HLCS: variants seen among roughly 807,000 people sequenced by gnomAD.
HLCS encodes biotin--protein ligase.
A neutral mutation model predicts 75.0 loss-of-function variants in HLCS; 53 were observed. That is an observed-to-expected ratio of 0.71 (90% CI 0.57 to 0.89). The LOEUF (loss-of-function observed/expected upper bound fraction) is 0.89. HLCS is among the 40% of genes least tolerant of loss of function. The pLI, the probability that HLCS is intolerant of heterozygous loss-of-function variation, is 0.00. For missense variants in HLCS, 966 were observed against 1,074.0 expected (o/e 0.90, Z 1.41); for synonymous variants, 431 against 428.6 (o/e 1.01, Z -0.07).
At chr21:36,931,888 T>C (rs186313432) in intron 4 of HLCS, among the ~76,000 whole-genome samples, 1 of 152,234 alleles carries the variant, frequency 6.6e-6, no homozygotes, top group African/African-American at 2.4e-5. Flanking sequence ...CCACTGTCTG[T>C]GGGTCCGTAC....
intron 6 of HLCS, among the ~76,000 whole-genome samples, chr21:36,831,098 G>T (rs1040438924): frequency 3.3e-5 from 5 of 152,052 alleles, no homozygotes; most frequent in Non-Finnish European, 5.9e-5. Context: ...TTTTCGGAGG[G>T]TTTTAAGAAG....
At chr21:36,945,183 T>C (rs1391276625) in intron 2 of HLCS, among the ~76,000 whole-genome samples, 1 of 151,918 alleles carries the variant, frequency 6.6e-6, no homozygotes, top group Non-Finnish European at 1.5e-5. Flanking sequence ...GTTCTGAAGA[T>C]CTACTGTACG....
At position 36,955,785 on chromosome 21, in the gene HLCS, G is replaced by A. The variant is rs117369725; in HGVS notation, c.330+6251C>T. Among the ~76,000 whole-genome samples, 16 of 152,320 alleles carry A rather than the reference G, an allele frequency of 1.1e-4. No homozygotes were observed. In the East Asian group the frequency reaches 2.9e-3, roughly 28 times the overall value. ...CCACTCACTCACTGACTCGCCCTGA[G>A]CCACTTTCAGTCCTGTAAGCTCCAT... On this transcript the variant is annotated intron_variant, in intron 2 of 10. Coordinates refer to ENST00000674895, the MANE Select transcript of HLCS (RefSeq NM_001352514.2).
intron 6 of HLCS, among the ~76,000 whole-genome samples, chr21:36,771,698 G>C (rs187211021): frequency 1.3e-5 from 2 of 152,038 alleles, no homozygotes; most frequent in African/African-American, 4.8e-5. Context: ...ATGTTTTGAA[G>C]TATGCTTTTA....
intron 2 of HLCS, among the ~76,000 whole-genome samples, chr21:36,946,572 T>C (rs991048544): frequency 9.2e-5 from 14 of 151,914 alleles, no homozygotes; most frequent in African/African-American, 3.4e-4. Flanking sequence ...CCTTAGTAGC[T>C]CATTTCTCTT....
intron 6 of HLCS, among the ~76,000 whole-genome samples, chr21:36,869,830 C>A (rs2063709879): frequency 6.6e-6 from 1 of 152,132 alleles, no homozygotes; most frequent in Non-Finnish European, 1.5e-5. Context: ...AATCCAACCC[C>A]CCTACTTAAA....
rs1569149980 is a variant in HLCS, at chr21:36,888,481, TATATATATA to T, written c.1892+8370_1892+8378del. 6.1e-3 allele frequency among the ~76,000 whole-genome samples: 779 copies of T among 127,332 alleles called. 28 individuals carry two copies. Among genetic ancestry groups the T allele is most frequent in the Non-Finnish European group, 0.01 (634 of 61,444 alleles). 83.5% of individuals were successfully genotyped at this position (127,332 alleles called of 152,430 possible). A position where few individuals can be genotyped will look rare whatever the true frequency, so the allele number is the denominator to read the frequency against. ...ATATATATATATATATATATATATA[TATATATATA>T]TATATATTTATTTATTTATTTTATG... On this transcript the variant is annotated intron_variant, in intron 6 of 10. Transcript: ENST00000674895.
intron 6 of HLCS, among the ~76,000 whole-genome samples, chr21:36,831,010 G>A (rs1024715233): frequency 6.6e-5 from 10 of 151,882 alleles, no homozygotes; most frequent in African/African-American, 1.9e-4. Context: ...CCCCAAATTC[G>A]GTTTAAATCT....
rs751885379 is a variant in HLCS at position 36,752,040 on chromosome 21, C to T, written c.*2206G>A. On this transcript the variant is annotated 3_prime_UTR_variant, in exon 11 of 11. Transcript: ENST00000674895. The stretch of plus-strand genomic sequence containing the variant: ...ATAGCAGGTAGACAGGTTTCGCTAA[C>T]ACGAACAGCTATCAGTAAAATGCCT... 1.3e-5 allele frequency: 2 copies of T among 152,636 alleles called. No individual in the cohort carries two copies. The highest frequency in any genetic ancestry group is 2.9e-5 in the Non-Finnish European group (2 of 68,058). 9.5% of individuals were successfully genotyped at this position (152,636 alleles called of 1,614,324 possible). A position where few individuals can be genotyped will look rare whatever the true frequency, so the allele number is the denominator to read the frequency against.
intron 6 of HLCS, among the ~76,000 whole-genome samples, chr21:36,832,604 A>G (rs893116653): frequency 1.3e-5 from 2 of 152,244 alleles, no homozygotes; most frequent in Non-Finnish European, 2.9e-5. Context: ...CTTTACAGAT[A>G]GGGAAAATAA....
At chr21:36,864,969 T>G (rs965035319) in intron 6 of HLCS, among the ~76,000 whole-genome samples, 2 of 152,068 alleles carry the variant, frequency 1.3e-5, no homozygotes, top group Non-Finnish European at 2.9e-5. Context: ...TTAAAAAGTG[T>G]TTTTTAAAAT....
chr21:36,864,931 T>G (rs1482090666), intron 6 of HLCS, among the ~76,000 whole-genome samples: 1 of 152,194 alleles, frequency 6.6e-6, no homozygotes, highest in East Asian at 1.9e-4. Flanking sequence ...TTCCAACATA[T>G]TTGTCAAAAA....
chr21:36,845,335 T>C (rs1182233394), intron 6 of HLCS, among the ~76,000 whole-genome samples: 1 of 152,080 alleles, frequency 6.6e-6, no homozygotes, highest in African/African-American at 2.4e-5. Flanking sequence ...TGGGCAAGTG[T>C]CACCTTCAGA....
chr21:36,752,776 G>T lies in HLCS; in HGVS notation c.*1470C>A, dbSNP rs147913873. ...GTATTTTTTCATAGGGCTGTCCTGT[G>T]CCTGGCTAAAGGTAGACAGACTATA... On this transcript the variant is annotated 3_prime_UTR_variant, in exon 11 of 11. Coordinates refer to ENST00000674895, the MANE Select transcript of HLCS (RefSeq NM_001352514.2). The T allele has an allele frequency of 3.9e-5, 6 of 152,246 alleles. No homozygotes were observed. The highest frequency in any genetic ancestry group is 7.2e-5 in the African/African-American group (3 of 41,510). The allele number at this position is 152,246 out of a possible 1,614,324, so 9.4% of individuals were successfully genotyped here.
intron 6 of HLCS, among the ~76,000 whole-genome samples, chr21:36,862,817 G>A (rs1205051048): frequency 6.6e-6 from 1 of 152,142 alleles, no homozygotes; most frequent in African/African-American, 2.4e-5. Context: ...GAAAGGCCTG[G>A]AGACTCACCA....
At chr21:36,953,856 C>T (rs899991496) in intron 2 of HLCS, among the ~76,000 whole-genome samples, 1 of 152,072 alleles carries the variant, frequency 6.6e-6, no homozygotes, top group African/African-American at 2.4e-5. Flanking sequence ...TCTCGCCCAA[C>T]GATGGACCAT....
At chr21:36,940,937 C>A (rs1052882692) in intron 2 of HLCS, among the ~76,000 whole-genome samples, 5 of 152,130 alleles carry the variant, frequency 3.3e-5, no homozygotes, top group African/African-American at 1.2e-4. Context: ...TTGGGCTGGG[C>A]GCGGTGGTTC....
intron 6 of HLCS, chr21:36,804,281 C>G (rs943659538): frequency 6.6e-6 from 1 of 152,436 alleles, no homozygotes; most frequent in African/African-American, 2.4e-5. Flanking sequence ...AAGTTACACT[C>G]TGCCTCACTG....
intron 2 of HLCS, chr21:36,947,695 G>A (rs1360077932): frequency 2.0e-6 from 2 of 985,234 alleles, no homozygotes; most frequent in Non-Finnish European, 2.4e-6. Context: ...AGCAGGCAAG[G>A]CATATCTTCT....
Sources: gnomAD v4.1 joint callset for allele counts (sites outside exome capture counted in the v4.1 genomes callset) on GRCh38, gnomAD v4.1.1 for gene constraint, MANE v1.5 for transcripts, NCBI Gene and HGNC (gene_info 2026-07-23, HGNC 2026-07-21) for gene names.